ULK4: variants seen among roughly 807,000 people sequenced by gnomAD.
The protein encoded by ULK4 is inactive serine/threonine-protein kinase ULK4.
A neutral mutation model predicts 160.6 loss-of-function variants in ULK4; 133 were observed. The observed-to-expected ratio is 0.83, with a 90% CI of 0.72 to 0.96. The LOEUF is 0.96. Ranked by LOEUF, ULK4 falls within the 40% of genes least tolerant of loss-of-function variation. The probability of loss-of-function intolerance (pLI) is 0.00; values close to 1 mark genes in which losing one functional copy is unlikely to be tolerated. For missense variants in ULK4, 1,580 were observed against 1,499.5 expected (o/e 1.05, Z -0.89); for synonymous variants, 534 against 539.8 (o/e 0.99, Z 0.15).
intron 34 of ULK4, among the ~76,000 whole-genome samples, chr3:41,426,367 A>G (rs1258760835): frequency 6.6e-6 from 1 of 152,198 alleles, no homozygotes; most frequent in Non-Finnish European, 1.5e-5. Flanking sequence ...ACAGATAGAG[A>G]CAGAAAATTA....
At position 41,339,269 on chromosome 3, in the gene ULK4, C is replaced by T. The variant is rs780685701; in HGVS notation, c.3678+58810G>A. Among the ~76,000 whole-genome samples the T allele has an allele frequency of 3.9e-5, 6 of 152,122 alleles. 1 individual carries two copies. The highest frequency in any genetic ancestry group is 6.5e-5 in the Admixed American group (1 of 15,288). On this transcript the variant is annotated intron_variant, in intron 35 of 36. Transcript: ENST00000301831. ...GCACCAGCAGCTCGCAGCAGGACTG[C>T]GCTCAGCCTACCAGTTGCTCTGTCT... is the stretch of plus-strand genomic sequence containing the variant.
chr3:41,387,724 T>C (rs946458116), intron 35 of ULK4, among the ~76,000 whole-genome samples: 1 of 152,230 alleles, frequency 6.6e-6, no homozygotes, highest in Non-Finnish European at 1.5e-5. Context: ...TATGGCTGCA[T>C]AGTATTCCAT....
intron 21 of ULK4, among the ~76,000 whole-genome samples, chr3:41,773,498 G>C (rs1278805962): frequency 1.3e-5 from 2 of 151,974 alleles, no homozygotes; most frequent in Admixed American, 1.3e-4. Context: ...AAAATACCTA[G>C]GAATCCAACT....
Position 41,800,162 on chromosome 3 carries a change from A to C in ULK4, c.1980T>G (p.Thr660=). 1 of 1,613,154 alleles carries C rather than the reference A, an allele frequency of 6.2e-7. No individual in the cohort carries two copies. Among genetic ancestry groups the C allele is most frequent in the Admixed American group, 1.7e-5 (1 of 59,736 alleles). ...CTGCTGTTATCCTAAGAGAATCAGC[A>C]GTGGAGTGTCTGAATAGGTACCACA... The part of the protein sequence containing the change: ...PILWYLFRHS[T]ADSLRITAVS... Residue 660 remains threonine, a synonymous_variant, in exon 20 of 37, where the codon ACT becomes ACG. Coordinates refer to ENST00000301831, the MANE Select transcript of ULK4 (RefSeq NM_017886.4).
chr3:41,820,816 T>C (rs1297453337), intron 18 of ULK4, among the ~76,000 whole-genome samples: 4 of 152,206 alleles, frequency 2.6e-5, no homozygotes, highest in African/African-American at 9.7e-5. Flanking sequence ...AGTACATTAC[T>C]AATCCAAAAG....
chr3:41,729,392 A>T (rs1195206959), intron 22 of ULK4, among the ~76,000 whole-genome samples: 2 of 152,148 alleles, frequency 1.3e-5, no homozygotes, highest in African/African-American at 4.8e-5. Flanking sequence ...TGTGCCAGAG[A>T]AGAAGCCGAC....
chr3:41,509,723 C>T (rs1428015968), intron 32 of ULK4, among the ~76,000 whole-genome samples: 1 of 152,150 alleles, frequency 6.6e-6, no homozygotes, highest in Non-Finnish European at 1.5e-5. Context: ...TCTGGCGAAA[C>T]TAAGCTTCAT....
chr3:41,825,330 G>C (rs1553664346), intron 18 of ULK4, among the ~76,000 whole-genome samples: 2 of 152,226 alleles, frequency 1.3e-5, no homozygotes, highest in Non-Finnish European at 2.9e-5. Context: ...TTGACGAGTT[G>C]AGAGAAGAAG....
intron 2 of ULK4, among the ~76,000 whole-genome samples, chr3:41,949,511 C>T (rs1700220092): frequency 6.7e-6 from 1 of 150,340 alleles, no homozygotes; most frequent in Non-Finnish European, 1.5e-5. Flanking sequence ...CAGCTCACTG[C>T]AACCTCTGCC....
At chr3:41,347,006 G>C (rs17056049) in intron 35 of ULK4, among the ~76,000 whole-genome samples, 2,375 of 151,872 alleles carry the variant, frequency 0.016, 54 homozygotes, top group African/African-American at 0.053. Flanking sequence ...TATCTTCAAA[G>C]AACTCCAATT....
chr3:41,416,119 T>C (rs963263009), intron 34 of ULK4, among the ~76,000 whole-genome samples: 1 of 152,192 alleles, frequency 6.6e-6, no homozygotes, highest in Non-Finnish European at 1.5e-5. Flanking sequence ...ATAGGAACAC[T>C]GTGTTAAACA....
chr3:41,267,248 G>C (rs960846172), intron 35 of ULK4, among the ~76,000 whole-genome samples: 1 of 152,092 alleles, frequency 6.6e-6, no homozygotes, highest in Non-Finnish European at 1.5e-5. Context: ...CCACTTATGA[G>C]TGAGAACATG....
Position 41,911,598 on chromosome 3 carries a change from T to A in ULK4, c.958A>T (p.Ser320Cys). 6.2e-7 allele frequency: 1 copy of A among 1,614,038 alleles called. No individual in the cohort carries two copies. The highest frequency in any genetic ancestry group is 1.3e-5 in the African/African-American group (1 of 75,034). ...CTCTTGTGCCCTTTTGCTTGTCTAC[T>A]CTGAGAGTTCTGCAAAAGCTCCTTG... Reference protein sequence around the residue: ...DSKELLQNSQSRQAKGHKSGQ... With the variant: ...DSKELLQNSQCRQAKGHKSGQ... The change falls in exon 10 of 37, where the codon AGT (serine) becomes TGT (cysteine). Residue 320 changes from serine to cysteine, a missense_variant. Transcript: ENST00000301831.
chr3:41,307,204 A>T (rs1044229451), intron 35 of ULK4, among the ~76,000 whole-genome samples: 1 of 150,424 alleles, frequency 6.6e-6, no homozygotes, highest in Non-Finnish European at 1.5e-5. Flanking sequence ...AAGGTGCAGC[A>T]GCAGAAAAAT....
intron 22 of ULK4, among the ~76,000 whole-genome samples, chr3:41,747,612 T>C (rs187702947): frequency 6.6e-6 from 1 of 152,256 alleles, no homozygotes; most frequent in African/African-American, 2.4e-5. Flanking sequence ...TGAAGATAGG[T>C]GTGTGTTTGG....
At chr3:41,392,498 C>T (rs1023166807) in intron 35 of ULK4, among the ~76,000 whole-genome samples, 10 of 152,102 alleles carry the variant, frequency 6.6e-5, no homozygotes, top group Non-Finnish European at 1.2e-4. Flanking sequence ...ACATTATTCC[C>T]CAAGATGATT....
At chr3:41,423,862 T>G (rs563959816) in intron 34 of ULK4, among the ~76,000 whole-genome samples, 1 of 152,312 alleles carries the variant, frequency 6.6e-6, no homozygotes, top group African/African-American at 2.4e-5. Context: ...CATGGATCTA[T>G]GCGACCCACA....
chr3:41,484,787 T>C (rs1173192460), intron 32 of ULK4, among the ~76,000 whole-genome samples: 1 of 152,114 alleles, frequency 6.6e-6, no homozygotes, highest in Non-Finnish European at 1.5e-5. Context: ...ATTTCCTCAT[T>C]TGAAGATGGA....
Position 41,384,316 on chromosome 3 carries a change from GA to G in ULK4, c.3678+13762del, listed in dbSNP as rs750745700. Among the ~76,000 whole-genome samples, 17 of 145,582 alleles carry G rather than the reference GA, an allele frequency of 1.2e-4. 1 individual carries two copies. The highest frequency in any genetic ancestry group is 2.3e-4 in the African/African-American group (9 of 39,728). On this transcript the variant is annotated intron_variant, in intron 35 of 36. Coordinates refer to ENST00000301831, the MANE Select transcript of ULK4 (RefSeq NM_017886.4). ...CTTTTCAAAAAGTCAATTTCATATG[GA>G]AAAAAAAAAGATTCTTCTAGATTAA...
Sources: gnomAD v4.1 joint callset for allele counts (sites outside exome capture counted in the v4.1 genomes callset) on GRCh38, gnomAD v4.1.1 for gene constraint, MANE v1.5 for transcripts, NCBI Gene and HGNC (gene_info 2026-07-23, HGNC 2026-07-21) for gene names.